The following ACACA variants were observed in gnomAD, a reference collection of about 807,000 sequenced individuals.
The protein encoded by ACACA is acetyl-CoA carboxylase 1.
Under a neutral mutation model 296.1 loss-of-function variants are expected in ACACA, and 103 were observed. The ratio of observed to expected loss-of-function variants is 0.35; its 90% CI spans 0.30 to 0.41. ACACA has a LOEUF of 0.41. Among genes scored for constraint, ACACA ranks in the 10% least tolerant of loss-of-function variants. The pLI, the probability that ACACA is intolerant of heterozygous loss-of-function variation, is 1.00. For missense variants in ACACA, 1,554 were observed against 2,989.7 expected (o/e 0.52, Z 11.20); for synonymous variants, 953 against 1,038.6 (o/e 0.92, Z 1.58).
intron 3 of ACACA, among the ~76,000 whole-genome samples, chr17:37,320,759 C>G (rs1335223107): frequency 1.3e-5 from 2 of 151,698 alleles, no homozygotes; most frequent in Non-Finnish European, 2.9e-5. Flanking sequence ...CCAGCCTGAG[C>G]AATATGGTGA....
At chr17:37,326,855 G>GAAAGAAAGAAAAAT (rs1337337659) in intron 3 of ACACA, among the ~76,000 whole-genome samples, 3 of 151,768 alleles carry the variant, frequency 2.0e-5, no homozygotes, top group Non-Finnish European at 4.4e-5. Context: ...AAAGAAAAAA[G>GAAAGAAAGAAAAAT]AAAGTGATTC....
chr17:37,193,482 A>G, intron 35 of ACACA, 67 bp from the exon 36 acceptor site: 1 of 1,231,372 alleles, frequency 8.1e-7, no homozygotes, highest in South Asian at 1.2e-5. Flanking sequence ...AACAAACAGT[A>G]TAGAAACAGT....
Position 37,161,802 on chromosome 17 carries a change from T to C in ACACA, c.5328A>G (p.Val1776=). The C allele has an allele frequency of 6.2e-7, 1 of 1,612,696 alleles. No individual in the cohort carries two copies. The highest frequency in any genetic ancestry group is 8.5e-7 in the Non-Finnish European group (1 of 1,179,998). The change falls in exon 42 of 56, where the codon GTA becomes GTG. Residue 1776 remains valine, a synonymous_variant. Coordinates refer to ENST00000616317, the MANE Select transcript of ACACA (RefSeq NM_198834.3). The part of the protein sequence containing the change: ...EIRHMFHVAW[V]DPEDPYKGYR... ...GTACCTTGTAAGGATCCTCAGGATC[T>C]ACCCAGGCCACATGAAACATATGGC...
At chr17:37,283,488 A>T in intron 4 of ACACA, 83 bp from the exon 5 acceptor site, 1 of 1,483,282 alleles carries the variant, frequency 6.7e-7, no homozygotes, top group South Asian at 1.2e-5. Context: ...GAATTTTTAC[A>T]TATCTATCTT....
chr17:37,375,905 C>A, intron 1 of ACACA: 1 of 515,366 alleles, frequency 1.9e-6, no homozygotes, highest in South Asian at 3.3e-5. Context: ...CAGAATTAGC[C>A]CTTTCTCCAA....
chr17:37,086,106 A>T lies in ACACA; in HGVS notation c.*1210T>A. On this transcript the variant is annotated 3_prime_UTR_variant, in exon 56 of 56. Transcript: ENST00000616317. ...CAGCACCATGACTGAGTTGTAAATAATCTTAAGGTCATGTGGATTCTGTGT... is the reference window on the plus strand; with the variant it reads ...CAGCACCATGACTGAGTTGTAAATATTCTTAAGGTCATGTGGATTCTGTGT... The T allele has an allele frequency of 3.5e-6, 1 of 288,350 alleles. No individual in the cohort carries two copies. Among genetic ancestry groups the T allele is most frequent in the Non-Finnish European group, 6.4e-6 (1 of 157,002 alleles). 17.9% of individuals were successfully genotyped at this position (288,350 alleles called of 1,614,324 possible).
At chr17:37,117,789 GT>G (rs57262044) in intron 50 of ACACA, among the ~76,000 whole-genome samples, 4,326 of 147,248 alleles carry the variant, frequency 0.029, 120 homozygotes, top group African/African-American at 0.075. Flanking sequence ...GACTAGTAGA[GT>G]TTTTTTTTTT....
At chr17:37,395,821 G>A (rs2051061947) in intron 1 of ACACA, among the ~76,000 whole-genome samples, 1 of 152,078 alleles carries the variant, frequency 6.6e-6, no homozygotes, top group African/African-American at 2.4e-5. Flanking sequence ...GGGATTATAG[G>A]CGCGAGCCAC....
At chr17:37,173,143 G>A (rs2076939232) in intron 41 of ACACA, among the ~76,000 whole-genome samples, 1 of 152,074 alleles carries the variant, frequency 6.6e-6, no homozygotes, top group Non-Finnish European at 1.5e-5. Flanking sequence ...AAATATTTGG[G>A]TCCTGTGTTC....
Position 37,350,360 on chromosome 17 carries a change from C to A in ACACA, c.39-10510G>T, listed in dbSNP as rs568004325. On this transcript the variant is annotated intron_variant, in intron 1 of 55. Coordinates refer to ENST00000616317, the MANE Select transcript of ACACA (RefSeq NM_198834.3). ...AGAAAAAAAAAACCAAAAAAAAAAA[C>A]CCAGAAAAAATTAGCTGGGTGTGGT... 1.1e-3 allele frequency among the ~76,000 whole-genome samples: 166 copies of A among 148,392 alleles called. 1 individual carries two copies. Among genetic ancestry groups the A allele is most frequent in the Admixed American group, 7.0e-3 (104 of 14,872 alleles).
chr17:37,383,891 C>G (rs1360103584), intron 1 of ACACA, among the ~76,000 whole-genome samples: 4 of 152,250 alleles, frequency 2.6e-5, no homozygotes, highest in African/African-American at 7.2e-5. Flanking sequence ...AAACATAATC[C>G]CTTCTACAAG....
chr17:37,376,814 G>C (rs906336794), intron 1 of ACACA, among the ~76,000 whole-genome samples: 6 of 152,052 alleles, frequency 3.9e-5, no homozygotes, highest in Admixed American at 2.6e-4. Context: ...AATTAGCCAG[G>C]CATGGTGGCA....
At chr17:37,357,529 A>C (rs916403589) in intron 1 of ACACA, among the ~76,000 whole-genome samples, 2 of 152,090 alleles carry the variant, frequency 1.3e-5, no homozygotes, top group Non-Finnish European at 2.9e-5. Context: ...AAAATTCTAC[A>C]ACACTAGTAA....
chr17:37,368,741 A>G (rs2049697203), intron 1 of ACACA: 1 of 152,046 alleles, frequency 6.6e-6, no homozygotes, highest in Non-Finnish European at 1.5e-5. Context: ...CTGAGTACCA[A>G]CCAAAGGGCT....
intron 29 of ACACA, among the ~76,000 whole-genome samples, chr17:37,212,185 A>G (rs2078776746): frequency 6.6e-6 from 1 of 152,122 alleles, no homozygotes. Context: ...AACCAGTATA[A>G]TCTCTCTCAA....
At chr17:37,275,869 T>C (rs1160957609) in intron 8 of ACACA, 82 bp downstream of exon 8, 1 of 1,179,042 alleles carries the variant, frequency 8.5e-7, no homozygotes. Context: ...AGTATACCAA[T>C]ACTTTTTCAA....
At chr17:37,203,162 A>G (rs551468948) in intron 33 of ACACA, among the ~76,000 whole-genome samples, 1 of 151,802 alleles carries the variant, frequency 6.6e-6, no homozygotes, top group Admixed American at 6.6e-5. Flanking sequence ...GGGTTTCACC[A>G]TATTGGCCAG....
intron 3 of ACACA, among the ~76,000 whole-genome samples, chr17:37,308,864 G>A (rs1314324483): frequency 6.6e-6 from 1 of 152,104 alleles, no homozygotes; most frequent in African/African-American, 2.4e-5. Flanking sequence ...TTGAACCTGA[G>A]AGGCGGAGGT....
Position 37,155,706 on chromosome 17 carries a change from G to T in ACACA, c.5424C>A (p.His1808Gln). 1 of 1,609,396 alleles carries T rather than the reference G, an allele frequency of 6.2e-7. No homozygotes were observed. The highest frequency in any genetic ancestry group is 8.5e-7 in the Non-Finnish European group (1 of 1,177,306). ...ACCTGGATTCTCCTTCATCTTCCAC[G>T]TGTTCACAATGGACAGAGTTGAGAG... is the stretch of plus-strand genomic sequence containing the variant. Reference protein sequence around the residue: ...VSALNSVHCEHVEDEGESRYK... With the variant: ...VSALNSVHCEQVEDEGESRYK... The change falls in exon 43 of 56, where the codon CAC (histidine) becomes CAA (glutamine). Residue 1808 changes from histidine (H) to glutamine (Q), a missense_variant. This residue lies in a region of ACACA where 553 missense variants were observed against 1,043.6 expected (regional missense o/e 0.53). Coordinates refer to ENST00000616317, the MANE Select transcript of ACACA (RefSeq NM_198834.3).
Sources: gnomAD v4.1 joint callset for allele counts (sites outside exome capture counted in the v4.1 genomes callset) on GRCh38, gnomAD v4.1.1 for gene constraint, gnomAD v4.1.1 regional missense constraint, MANE v1.5 for transcripts, NCBI Gene and HGNC (gene_info 2026-07-23, HGNC 2026-07-21) for gene names.